Variants in LRRTM4 observed in about 807,000 individuals in gnomAD.
LRRTM4 encodes leucine-rich repeat transmembrane neuronal protein 4.
In LRRTM4, 25 loss-of-function variants were observed where a neutral mutation model predicts 47.6. The ratio of observed to expected loss-of-function variants is 0.53; its 90% CI spans 0.38 to 0.73. LRRTM4 has a LOEUF of 0.73. LRRTM4 is among the 30% of genes least tolerant of loss of function. LRRTM4 has a pLI of 0.00. For synonymous variants in LRRTM4, 311 were observed against 269.5 expected (o/e 1.15, Z -1.51); for missense variants, 638 against 713.4 (o/e 0.89, Z 1.20).
intron 3 of LRRTM4, among the ~76,000 whole-genome samples, chr2:77,353,225 A>G (rs1293167277): frequency 6.6e-6 from 1 of 152,220 alleles, no homozygotes; most frequent in Non-Finnish European, 1.5e-5. Context: ...CATCTGTTGG[A>G]TAGTTCTCAA....
intron 3 of LRRTM4, among the ~76,000 whole-genome samples, chr2:77,034,960 T>G (rs1678784365): frequency 6.6e-6 from 1 of 151,896 alleles, no homozygotes; most frequent in Non-Finnish European, 1.5e-5. Flanking sequence ...TTTCACATTA[T>G]TTACTAGTTC....
intron 3 of LRRTM4, among the ~76,000 whole-genome samples, chr2:77,393,955 C>T (rs290029): frequency 0.47 from 70,546 of 151,584 alleles, 16,624 homozygotes; most frequent in East Asian, 0.6. Flanking sequence ...AACATTTATT[C>T]GAAAAAAAGT....
At chr2:76,849,555 A>G (rs1671931763) in intron 3 of LRRTM4, among the ~76,000 whole-genome samples, 1 of 151,598 alleles carries the variant, frequency 6.6e-6, no homozygotes, top group Admixed American at 6.6e-5. Flanking sequence ...CATCAAATAA[A>G]TGTACTGCTA....
At chr2:77,355,677 C>T (rs948791760) in intron 3 of LRRTM4, among the ~76,000 whole-genome samples, 8 of 152,058 alleles carry the variant, frequency 5.3e-5, no homozygotes, top group Non-Finnish European at 1.2e-4. Flanking sequence ...TTTGAAGGAG[C>T]AAAGGTAAAG....
chr2:77,039,653 TTAA>T (rs1217583296), intron 3 of LRRTM4, among the ~76,000 whole-genome samples: 1 of 151,294 alleles, frequency 6.6e-6, no homozygotes, highest in African/African-American at 2.4e-5. Flanking sequence ...ATATCAAATA[TTAA>T]TAATGTAATA....
chr2:76,811,719 A>T (rs1209532365), intron 3 of LRRTM4, among the ~76,000 whole-genome samples: 1 of 152,154 alleles, frequency 6.6e-6, no homozygotes, highest in Non-Finnish European at 1.5e-5. Context: ...GAAGGGTCCC[A>T]TGTTTGCTCT....
intron 3 of LRRTM4, among the ~76,000 whole-genome samples, chr2:77,162,254 G>A (rs569719208): frequency 6.6e-6 from 1 of 152,180 alleles, no homozygotes; most frequent in Non-Finnish European, 1.5e-5. Flanking sequence ...AAACTGCAAG[G>A]TGGCAGCAAG....
intron 3 of LRRTM4, among the ~76,000 whole-genome samples, chr2:76,835,384 C>G (rs545577016): frequency 6.6e-6 from 1 of 151,980 alleles, no homozygotes; most frequent in African/African-American, 2.4e-5. Flanking sequence ...ACAAATACAA[C>G]TTTAGTTTAT....
chr2:77,136,696 C>A (rs563373750), intron 3 of LRRTM4, among the ~76,000 whole-genome samples: 1 of 152,144 alleles, frequency 6.6e-6, no homozygotes, highest in East Asian at 1.9e-4. Context: ...GGAGAAAGTT[C>A]GAAACCATGG....
At chr2:76,813,147 A>G (rs1237034526) in intron 3 of LRRTM4, among the ~76,000 whole-genome samples, 2 of 152,092 alleles carry the variant, frequency 1.3e-5, no homozygotes, top group Admixed American at 6.6e-5. Flanking sequence ...CTGGGCAACA[A>G]GAGCGAAACT....
chr2:77,104,248 T>A (rs1022693510), intron 3 of LRRTM4, among the ~76,000 whole-genome samples: 2 of 152,148 alleles, frequency 1.3e-5, no homozygotes, highest in African/African-American at 4.8e-5. Flanking sequence ...CACCTCTGCC[T>A]CAATGGCCCA....
chr2:77,103,217 C>T (rs147080662), intron 3 of LRRTM4, among the ~76,000 whole-genome samples: 1 of 152,058 alleles, frequency 6.6e-6, no homozygotes, highest in African/African-American at 2.4e-5. Context: ...AAGCTGCTAA[C>T]AAGGGAGGCT....
chr2:77,519,374 T>C lies in LRRTM4; in HGVS notation c.495A>G (p.Arg165=). ...GLRKLIILHL[R]SNSLKTVPIR... ...TGGGCACAGTCTTTAGTGAGTTAGATCTCAAGTGCAAAATGATGAGTTTCC... is the reference window on the plus strand; with the variant it reads ...TGGGCACAGTCTTTAGTGAGTTAGACCTCAAGTGCAAAATGATGAGTTTCC... The change falls in exon 3 of 4, where the codon AGA becomes AGG. Residue 165 remains arginine (R), a synonymous_variant. Transcript: ENST00000409884. This position sits in a 1 kb window ranked among gnomAD's most constrained non-coding sequence, Gnocchi z 4.6. The C allele has an allele frequency of 6.2e-7, 1 of 1,613,398 alleles. No individual in the cohort carries two copies. Among genetic ancestry groups the C allele is most frequent in the South Asian group, 1.1e-5 (1 of 91,074 alleles).
intron 3 of LRRTM4, among the ~76,000 whole-genome samples, chr2:77,055,526 A>G (rs1679573437): frequency 6.6e-6 from 1 of 152,248 alleles, no homozygotes; most frequent in African/African-American, 2.4e-5. Context: ...CAATCATTAA[A>G]AAGTCAGTAA....
intron 3 of LRRTM4, among the ~76,000 whole-genome samples, chr2:77,013,536 C>T (rs980395986): frequency 4.6e-5 from 7 of 151,120 alleles, no homozygotes; most frequent in African/African-American, 1.7e-4. Flanking sequence ...GTGAGTAGTA[C>T]TATCTGTATC....
intron 3 of LRRTM4, among the ~76,000 whole-genome samples, chr2:77,318,182 A>G (rs1345034539): frequency 5.3e-5 from 8 of 151,584 alleles, no homozygotes; most frequent in African/African-American, 1.9e-4. Flanking sequence ...AATTTTTTGT[A>G]TTTTTAGTAG....
chr2:76,845,323 T>C (rs1479530124), intron 3 of LRRTM4, among the ~76,000 whole-genome samples: 1 of 152,118 alleles, frequency 6.6e-6, no homozygotes, highest in Non-Finnish European at 1.5e-5. Context: ...AAACCCCGTC[T>C]CTACTAAAAA....
intron 3 of LRRTM4, among the ~76,000 whole-genome samples, chr2:76,947,830 G>A (rs2103878595): frequency 6.6e-6 from 1 of 151,826 alleles, no homozygotes; most frequent in South Asian, 2.1e-4. Context: ...TTTGTTTTGA[G>A]GGAATAGGCA....
intron 3 of LRRTM4, among the ~76,000 whole-genome samples, chr2:76,951,360 C>T (rs994935355): frequency 6.6e-6 from 1 of 151,798 alleles, no homozygotes; most frequent in Non-Finnish European, 1.5e-5. Context: ...TTCTAGGTAT[C>T]GGAGTCTATA....
Sources: allele counts gnomAD v4.1 joint callset (sites outside exome capture counted in the v4.1 genomes callset), GRCh38; gene constraint gnomAD v4.1.1; non-coding constraint Gnocchi (gnomAD v3.1); transcripts MANE v1.5; gene names NCBI Gene and HGNC (gene_info 2026-07-23, HGNC 2026-07-21).